The following CARM1 variants were observed in gnomAD, a reference collection of about 807,000 sequenced individuals.
CARM1 encodes coactivator associated arginine methyltransferase 1.
CARM1 carries 14 observed loss-of-function variants against 72.7 expected under a neutral mutation model. The ratio of observed to expected loss-of-function variants is 0.19; its 90% confidence interval spans 0.13 to 0.30. CARM1 has a LOEUF of 0.30. Among genes scored for constraint, CARM1 ranks in the 10% least tolerant of loss-of-function variants. The pLI, the probability that CARM1 is intolerant of heterozygous loss-of-function variation, is 1.00. For synonymous variants in CARM1, 333 were observed against 345.5 expected (o/e 0.96, Z 0.40); for missense variants, 432 against 833.7 (o/e 0.52, Z 5.93).
At position 10,914,713 on chromosome 19, in the gene CARM1, G is replaced by A. The variant is rs532094314; in HGVS notation, c.847+659G>A. On this transcript the variant is annotated intron_variant, in intron 6 of 15. Coordinates refer to ENST00000327064, the MANE Select transcript of CARM1 (RefSeq NM_199141.2). ...TGGGATTACAGGTGTGCACCACCAC[G>A]CCCAGCTAAGTTTTGTATTTTTAGT... Among the ~76,000 whole-genome samples, 14 of 152,254 alleles carry A rather than the reference G, an allele frequency of 9.2e-5. No homozygotes were observed. The South Asian group carries it at 1.2e-3, about 14-fold the overall frequency.
Position 10,912,335 on chromosome 19 carries a change from C to A in CARM1, c.669+41C>A. 1.4e-6 allele frequency: 2 copies of A among 1,430,090 alleles called. No individual in the cohort carries two copies. The highest frequency in any genetic ancestry group is 2.0e-6 in the Non-Finnish European group (2 of 1,015,096). The allele number at this position is 1,430,090 out of a possible 1,614,324, so 88.6% of individuals were successfully genotyped here. On this transcript the variant is annotated intron_variant, in intron 5 of 15. Coordinates refer to ENST00000327064, the MANE Select transcript of CARM1 (RefSeq NM_199141.2). This position sits in a 1 kb window ranked among gnomAD's most constrained non-coding sequence, Gnocchi z 4.5. Reference sequence around the variant, plus strand: ...GTGCCCACCCAGCCTCGTCCTCGCCCATGAGTGCCATGCCGGCCCCAGCCT... The same window carrying A: ...GTGCCCACCCAGCCTCGTCCTCGCCAATGAGTGCCATGCCGGCCCCAGCCT...
At chr19:10,903,193 G>C (rs2074078948) in intron 1 of CARM1, among the ~76,000 whole-genome samples, 1 of 151,996 alleles carries the variant, frequency 6.6e-6, no homozygotes, top group African/African-American at 2.4e-5. Context: ...TTTATTTCTG[G>C]ACTCTGATTC....
At position 10,923,037 on chromosome 19, in the gene CARM1, C is replaced by T. The variant is rs2074286711; in HGVS notation, c.*1280C>T. The T allele has an allele frequency of 4.6e-6, 2 of 436,222 alleles. No homozygotes were observed. The highest frequency in any genetic ancestry group is 4.0e-6 in the Non-Finnish European group (1 of 247,338). 27.0% of individuals were successfully genotyped at this position (436,222 alleles called of 1,614,324 possible). On this transcript the variant is annotated 3_prime_UTR_variant, in exon 16 of 16. Transcript: ENST00000327064. ...CCTTTATATAAATTCTCTGAATCAC[C>T]TTTGCATAGAAAATAAAAGTGTTTG...
intron 1 of CARM1, among the ~76,000 whole-genome samples, chr19:10,885,440 T>C (rs2073934055): frequency 6.6e-6 from 1 of 152,208 alleles, no homozygotes; most frequent in African/African-American, 2.4e-5. Flanking sequence ...GTGTTACACA[T>C]GTGCAAGCGT....
intron 1 of CARM1, among the ~76,000 whole-genome samples, chr19:10,892,629 C>T (rs538204584): frequency 6.6e-6 from 1 of 152,226 alleles, no homozygotes; most frequent in East Asian, 1.9e-4. Context: ...GTAACAGCAG[C>T]TGCTCTTGTT....
intron 1 of CARM1, among the ~76,000 whole-genome samples, chr19:10,877,443 G>C (rs1468660759): frequency 6.6e-6 from 1 of 152,156 alleles, no homozygotes; most frequent in Admixed American, 6.5e-5. Context: ...TTATTAGTGA[G>C]ACAGAGTCTC....
At chr19:10,907,624 C>T (rs1039268908) in intron 2 of CARM1, among the ~76,000 whole-genome samples, 3 of 152,166 alleles carry the variant, frequency 2.0e-5, no homozygotes, top group African/African-American at 7.2e-5. Flanking sequence ...TTTGTCCAGT[C>T]CCCTCTTACT....
intron 8 of CARM1, 77 bp from the exon 9 acceptor site, chr19:10,919,518 G>A (rs2074223537): frequency 1.9e-6 from 2 of 1,059,336 alleles, no homozygotes; most frequent in Middle Eastern, 2.2e-4. Context: ...GGGCAGACCT[G>A]GGGGAAGGGG....
rs1330860844 is a variant in CARM1, at chr19:10,915,031, T to C, written c.847+977T>C. Among the ~76,000 whole-genome samples, 1 of 152,098 alleles carries C rather than the reference T, an allele frequency of 6.6e-6. No homozygotes were observed. The highest frequency in any genetic ancestry group is 2.4e-5 in the African/African-American group (1 of 41,410). On this transcript the variant is annotated intron_variant, in intron 6 of 15. Coordinates refer to ENST00000327064, the MANE Select transcript of CARM1 (RefSeq NM_199141.2). This position sits in a 1 kb window ranked among gnomAD's most constrained non-coding sequence, Gnocchi z 4.6. ...AGGTCCCCAGCCAGGGTAGCAGCCA[T>C]GGGATGGAGCGTGGGCAGCAGCAGG...
Position 10,916,870 on chromosome 19 carries a change from C to A in CARM1, c.1020+93C>A. Reference sequence around the variant, plus strand: ...AGGAAGCTACAGCCCCTCTCTGAGCCCTCTCCTCTGCCCTGCACAGCGCTC... The same window carrying A: ...AGGAAGCTACAGCCCCTCTCTGAGCACTCTCCTCTGCCCTGCACAGCGCTC... On this transcript the variant is annotated intron_variant, in intron 8 of 15. Transcript: ENST00000327064. The surrounding 1 kb of genome is among the most constrained non-coding windows in gnomAD (Gnocchi z 4.4). The A allele has an allele frequency of 1.1e-6, 1 of 945,922 alleles. No individual in the cohort carries two copies. The highest frequency in any genetic ancestry group is 1.6e-6 in the Non-Finnish European group (1 of 617,472). 58.6% of individuals were successfully genotyped at this position (945,922 alleles called of 1,614,324 possible).
chr19:10,911,805 C>T (rs1222489990), intron 4 of CARM1, among the ~76,000 whole-genome samples: 1 of 152,206 alleles, frequency 6.6e-6, no homozygotes, highest in African/African-American at 2.4e-5. Context: ...AGGCATGAGT[C>T]AGCATGGAGC....
At chr19:10,909,664 G>A (rs1021160267) in intron 4 of CARM1, among the ~76,000 whole-genome samples, 2 of 152,062 alleles carry the variant, frequency 1.3e-5, no homozygotes, top group African/African-American at 2.4e-5. Context: ...ATGAACGCAG[G>A]AGGCAGAGCT....
At chr19:10,902,381 C>T (rs1204764318) in intron 1 of CARM1, among the ~76,000 whole-genome samples, 1 of 149,830 alleles carries the variant, frequency 6.7e-6, no homozygotes, top group East Asian at 2.0e-4. Context: ...GCAAGCTCCA[C>T]CTCCCGGGTT....
chr19:10,921,470 C>T lies in CARM1; in HGVS notation c.1684+27C>T, dbSNP rs372283321. ...TAACGAGGGTGGCGGGGGCAGGGCC[C>T]GTGGGGGCCGAGCTAGCGTGTGAGT... is the stretch of plus-strand genomic sequence containing the variant. On this transcript the variant is annotated intron_variant, in intron 15 of 15. Transcript: ENST00000327064. 52 of 1,591,240 alleles carry T rather than the reference C, an allele frequency of 3.3e-5. 1 individual carries two copies. Among genetic ancestry groups the T allele is most frequent in the Middle Eastern group, 1.7e-4 (1 of 5,970 alleles).
chr19:10,913,493 G>A (rs1293034233), intron 5 of CARM1, among the ~76,000 whole-genome samples: 1 of 151,806 alleles, frequency 6.6e-6, no homozygotes. Flanking sequence ...AGCCGAGATG[G>A]CGCCACTACC....
chr19:10,920,397 G>T lies in CARM1; in HGVS notation c.1197-39G>T. The T allele has an allele frequency of 6.3e-7, 1 of 1,588,658 alleles. No homozygotes were observed. The highest frequency in any genetic ancestry group is 8.6e-7 in the Non-Finnish European group (1 of 1,162,498). ...ACAAGGTGGTGGCTCCAGTGGTGGC[G>T]CCGGCCCAGTCAAGTATGTGCCTGT... On this transcript the variant is annotated intron_variant, in intron 10 of 15. Coordinates refer to ENST00000327064, the MANE Select transcript of CARM1 (RefSeq NM_199141.2). The surrounding 1 kb of genome is among the most constrained non-coding windows in gnomAD (Gnocchi z 5.3).
At chr19:10,886,056 CTT>C (rs899009522) in intron 1 of CARM1, among the ~76,000 whole-genome samples, 11 of 136,478 alleles carry the variant, frequency 8.1e-5, no homozygotes, top group Admixed American at 2.2e-4. Flanking sequence ...TTCTTTCTTT[CTT>C]TTTTTTTTTT....
At chr19:10,893,102 G>A (rs1483242971) in intron 1 of CARM1, among the ~76,000 whole-genome samples, 1 of 151,498 alleles carries the variant, frequency 6.6e-6, no homozygotes, top group Non-Finnish European at 1.5e-5. Context: ...TTTTGCCCAG[G>A]TTGGAGTGGA....
intron 9 of CARM1, 85 bp from the exon 10 acceptor site, chr19:10,919,792 C>G: frequency 6.6e-7 from 1 of 1,505,582 alleles, no homozygotes; most frequent in Non-Finnish European, 9.2e-7. Flanking sequence ...GGCGGGGGCC[C>G]CAGGCCTCTG....
Sources: gnomAD v4.1 joint callset for allele counts (sites outside exome capture counted in the v4.1 genomes callset) on GRCh38, gnomAD v4.1.1 for gene constraint, Gnocchi (gnomAD v3.1) non-coding constraint, MANE v1.5 for transcripts, NCBI Gene and HGNC (gene_info 2026-07-23, HGNC 2026-07-21) for gene names.